Variants in AFF1 observed in about 807,000 individuals in gnomAD.
AFF1 encodes AF4/FMR2 family member 1.
Under a neutral mutation model 121.7 loss-of-function variants are expected in AFF1, and 48 were observed. The observed-to-expected ratio is 0.39, with a 90% CI of 0.31 to 0.50. The LOEUF is 0.50. Ranked by LOEUF, AFF1 falls within the 20% of genes least tolerant of loss-of-function variation. AFF1 has a pLI of 0.76. For synonymous variants in AFF1, 613 were observed against 563.0 expected (o/e 1.09, Z -1.26); for missense variants, 1,523 against 1,511.7 (o/e 1.01, Z -0.12).
chr4:87,008,025 A>G (rs1353069074), intron 2 of AFF1, among the ~76,000 whole-genome samples: 1 of 152,052 alleles, frequency 6.6e-6, no homozygotes, highest in Non-Finnish European at 1.5e-5. Flanking sequence ...GCGCTATTGT[A>G]AGAACCTGAA....
intron 4 of AFF1, among the ~76,000 whole-genome samples, chr4:87,060,835 C>CAA (rs749186199): frequency 2.5e-3 from 157 of 62,076 alleles, no homozygotes; most frequent in East Asian, 8.1e-3. Flanking sequence ...GACTCTGTCT[C>CAA]AAAAAAAAAA....
At chr4:86,996,496 T>C (rs545219396) in intron 2 of AFF1, among the ~76,000 whole-genome samples, 25 of 151,762 alleles carry the variant, frequency 1.6e-4, no homozygotes, top group Middle Eastern at 3.4e-3. Flanking sequence ...CGGTGCAAGA[T>C]GTGCTTTGTT....
intron 11 of AFF1, among the ~76,000 whole-genome samples, chr4:87,110,976 C>G (rs1435045502): frequency 6.7e-6 from 1 of 150,354 alleles, no homozygotes; most frequent in Admixed American, 6.7e-5. Flanking sequence ...AAAACCTTGG[C>G]ACTTTTATCT....
Position 87,134,707 on chromosome 4 carries a change from C to T in AFF1, c.3535+13C>T, listed in dbSNP as rs373159214. Reference sequence around the variant, plus strand: ...AGGAAGAATAAAGGTAAATAAATGGCTTTGTGGTGGTAATTACTGGGGTGT... The same window carrying T: ...AGGAAGAATAAAGGTAAATAAATGGTTTTGTGGTGGTAATTACTGGGGTGT... On this transcript the variant is annotated intron_variant, in intron 20 of 20. Transcript: ENST00000395146. The T allele has an allele frequency of 1.3e-6, 2 of 1,598,138 alleles. No individual in the cohort carries two copies. The highest frequency in any genetic ancestry group is 1.3e-5 in the African/African-American group (1 of 74,484).
At chr4:87,063,799 T>C (rs960961927) in intron 4 of AFF1, among the ~76,000 whole-genome samples, 6 of 152,306 alleles carry the variant, frequency 3.9e-5, no homozygotes, top group Admixed American at 6.5e-5. Flanking sequence ...CCTTGACATA[T>C]TGTGTTAGTA....
At chr4:87,004,581 A>G (rs2149524901) in intron 2 of AFF1, among the ~76,000 whole-genome samples, 1 of 152,302 alleles carries the variant, frequency 6.6e-6, no homozygotes, top group Non-Finnish European at 1.5e-5. Context: ...TTGGGACCAG[A>G]ATTGTTTTGG....
chr4:86,997,618 C>T (rs1257165212), intron 2 of AFF1, among the ~76,000 whole-genome samples: 1 of 151,526 alleles, frequency 6.6e-6, no homozygotes, highest in Non-Finnish European at 1.5e-5. Context: ...AAAAATTAGC[C>T]GAGTGTGGTG....
intron 5 of AFF1, among the ~76,000 whole-genome samples, chr4:87,088,918 T>C (rs1281721339): frequency 6.6e-6 from 1 of 152,184 alleles, no homozygotes; most frequent in East Asian, 1.9e-4. Context: ...GCTAATTTTG[T>C]ATTTTTAGTA....
chr4:87,020,993 T>G (rs961005075), intron 2 of AFF1, among the ~76,000 whole-genome samples: 1 of 152,220 alleles, frequency 6.6e-6, no homozygotes, highest in African/African-American at 2.4e-5. Flanking sequence ...GAACCCTTCC[T>G]CTCTTCCCCA....
intron 2 of AFF1, among the ~76,000 whole-genome samples, chr4:87,011,758 C>G (rs1726787627): frequency 6.6e-6 from 1 of 152,154 alleles, no homozygotes; most frequent in South Asian, 2.1e-4. Context: ...CTTTCTAGTT[C>G]ATCCTGAGAG....
intron 4 of AFF1, among the ~76,000 whole-genome samples, chr4:87,055,976 A>G (rs1720091909): frequency 6.6e-6 from 1 of 152,174 alleles, no homozygotes; most frequent in Non-Finnish European, 1.5e-5. Flanking sequence ...AATTGTTGAA[A>G]TAACTCTATT....
At chr4:87,012,217 C>CTTTTTTTTTTTTTT (rs68156863) in intron 2 of AFF1, among the ~76,000 whole-genome samples, 32 of 115,088 alleles carry the variant, frequency 2.8e-4, no homozygotes, top group East Asian at 1.1e-3. Context: ...CATTTCATTT[C>CTTTTTTTTTTTTTT]TTGTTTTTTT....
At chr4:87,084,387 C>A (rs932459196) in intron 5 of AFF1, among the ~76,000 whole-genome samples, 8 of 151,614 alleles carry the variant, frequency 5.3e-5, no homozygotes, top group Non-Finnish European at 8.8e-5. Context: ...AAGAAAAATA[C>A]AAAAAATTAG....
At chr4:87,091,738 T>G (rs920289960) in intron 6 of AFF1, 55 bp from the exon 7 acceptor site, 23 of 1,217,878 alleles carry the variant, frequency 1.9e-5, no homozygotes, top group African/African-American at 3.1e-5. Flanking sequence ...GGTTTTCTCT[T>G]TAACTTTATA....
At chr4:87,007,472 G>A in intron 2 of AFF1, 12 of 1,613,342 alleles carry the variant, frequency 7.4e-6, no homozygotes, top group Non-Finnish European at 9.3e-6. Context: ...GTGGCGAGGG[G>A]AGCTGAAGGT....
intron 13 of AFF1, among the ~76,000 whole-genome samples, chr4:87,125,611 G>A (rs1175392139): frequency 6.6e-6 from 1 of 152,214 alleles, no homozygotes; most frequent in Non-Finnish European, 1.5e-5. Context: ...GTTGGGAAGA[G>A]GGGTGGCAGG....
intron 2 of AFF1, among the ~76,000 whole-genome samples, chr4:87,029,049 G>A (rs1390617695): frequency 2.6e-5 from 4 of 152,156 alleles, no homozygotes; most frequent in Non-Finnish European, 4.4e-5. Context: ...TTAATGGTGG[G>A]TCTGTAAATA....
At position 86,996,075 on chromosome 4, in the gene AFF1, GC is replaced by G. The variant is rs1725159695; in HGVS notation, c.38+47505del. ...GGGAAGTGAGGAGCGTCTCTGCCCG[GC>G]AGCCACCTCGTCTGGGAGGGAGGTG... is the stretch of plus-strand genomic sequence containing the variant. On this transcript the variant is annotated intron_variant, in intron 2 of 20. Transcript: ENST00000395146. 2.6e-5 allele frequency among the ~76,000 whole-genome samples: 4 copies of G among 151,572 alleles called. No homozygotes were observed. The South Asian group carries it at 8.3e-4, about 31-fold the overall frequency.
chr4:87,138,931 C>T lies in AFF1; in HGVS notation c.*3230C>T, dbSNP rs573088056. On this transcript the variant is annotated 3_prime_UTR_variant, in exon 21 of 21. Coordinates refer to ENST00000395146, the MANE Select transcript of AFF1 (RefSeq NM_001166693.3). ...TCCTGTATCCTTTAATTTCAGGTCTCAGGATGTTTAGAAAGCTAAAACCCC... is the reference window on the plus strand; with the variant it reads ...TCCTGTATCCTTTAATTTCAGGTCTTAGGATGTTTAGAAAGCTAAAACCCC... 3.3e-4 allele frequency: 76 copies of T among 227,352 alleles called. No individual in the cohort carries two copies. The highest frequency in any genetic ancestry group is 1.5e-3 in the African/African-American group (69 of 45,136). 14.1% of individuals were successfully genotyped at this position (227,352 alleles called of 1,614,324 possible). A position where few individuals can be genotyped will look rare whatever the true frequency, so the allele number is the denominator to read the frequency against.
Sources: gnomAD v4.1 joint callset for allele counts (sites outside exome capture counted in the v4.1 genomes callset) on GRCh38, gnomAD v4.1.1 for gene constraint, MANE v1.5 for transcripts, NCBI Gene and HGNC (gene_info 2026-07-23, HGNC 2026-07-21) for gene names.